B3GALT9: variants seen among roughly 807,000 people sequenced by gnomAD.
B3GALT9 encodes the protein beta-1,3-galactosyltransferase 9, also known as UDP-GlcNAc:betaGal beta-1,3-N-acetylglucosaminyltransferase 10 (putative).
chr9:120,797,033 C>T (rs553532347), intron 2 of B3GALT9, among the ~76,000 whole-genome samples: 89 of 131,260 alleles, frequency 6.8e-4, no homozygotes, highest in East Asian at 6.6e-3. Context: ...GTCCAGCCTG[C>T]GCCACAGAGT....
chr9:120,799,949 C>T lies in B3GALT9; in HGVS notation c.*271C>T, dbSNP rs369660498. The T allele has an allele frequency of 0.011, 1,704 of 150,520 alleles. 28 individuals are homozygous for T. The highest frequency in any genetic ancestry group is 0.069 in the African/African-American group (1,583 of 23,098). 9.3% of individuals were successfully genotyped at this position (150,520 alleles called of 1,614,324 possible). A position where few individuals can be genotyped will look rare whatever the true frequency, so the allele number is the denominator to read the frequency against. On this transcript the variant is annotated 3_prime_UTR_variant, in exon 3 of 3. Transcript: ENST00000689072. ...TATGTTTCATTGTTTATTTAGTTTT[C>T]GTTTTTTTTTTTTCTTTTGAGACAG...
rs557875505 is a variant in B3GALT9 at position 120,800,092 on chromosome 9, G to T, written c.*414G>T. Among the ~76,000 whole-genome samples the T allele has an allele frequency of 4.7e-5, 7 of 150,428 alleles. No individual in the cohort carries two copies. In the East Asian group the frequency reaches 1.4e-3, roughly 29 times the overall value. On this transcript the variant is annotated 3_prime_UTR_variant, in exon 3 of 3. Transcript: ENST00000689072. ...AGCCTTTTGAGTAGCTGAGACTATA[G>T]GCATGTGCCACCATACCCGGCTAAT...
rs539363804 is a variant in B3GALT9, at chr9:120,793,524, G to A, written c.-580G>A. On this transcript the variant is annotated 5_prime_UTR_variant, in exon 1 of 3. It adds an upstream start codon to the 5' untranslated region. Transcript: ENST00000689072. ...GGGAGGCTGGAGGCCGGGAGTAGGGGTGGGGAGAAGAGCGTCCCGGGAAGC... is the reference window on the plus strand; with the variant it reads ...GGGAGGCTGGAGGCCGGGAGTAGGGATGGGGAGAAGAGCGTCCCGGGAAGC... The A allele has an allele frequency of 2.0e-3, 792 of 400,314 alleles. 8 individuals carry two copies. Among genetic ancestry groups the A allele is most frequent in the African/African-American group, 0.015 (721 of 48,744 alleles). The allele number at this position is 400,314 out of a possible 1,614,324, so 24.8% of individuals were successfully genotyped here. A position where few individuals can be genotyped will look rare whatever the true frequency, so the allele number is the denominator to read the frequency against.
chr9:120,795,268 AC>A (rs1320013561), intron 1 of B3GALT9, among the ~76,000 whole-genome samples: 1 of 152,086 alleles, frequency 6.6e-6, no homozygotes, highest in Non-Finnish European at 1.5e-5. Flanking sequence ...AAAATCAAGC[AC>A]CCATATCTCT....
At chr9:120,796,699 A>G (rs2044941001) in intron 2 of B3GALT9, 90 bp downstream of exon 2, 1 of 152,224 alleles carries the variant, frequency 6.6e-6, no homozygotes, top group Non-Finnish European at 1.5e-5. Flanking sequence ...AAATGAGAAA[A>G]TGGAAAGGAG....
rs564033760 is a variant in B3GALT9, at chr9:120,798,650, T to C, written c.82T>C (p.Phe28Leu). 5.0e-6 allele frequency: 2 copies of C among 399,528 alleles called. No individual in the cohort carries two copies. Among genetic ancestry groups the C allele is most frequent in the East Asian group, 7.1e-5 (2 of 28,074 alleles). 24.7% of individuals were successfully genotyped at this position (399,528 alleles called of 1,614,324 possible). The change falls in exon 3 of 3, where the codon TTT becomes CTT. Residue 28 changes from phenylalanine to leucine, a missense_variant. Coordinates refer to ENST00000689072, the MANE Select transcript of B3GALT9 (RefSeq NM_001386823.1). ...TGTCATCCTATTTCATGCCTTGCTT[T>C]TTGGGACTGACTTTGTGGAGGAATA... ...FNVILFHALL[F>L]GTDFVEEYFL...
chr9:120,793,721 A>G lies in B3GALT9; in HGVS notation c.-383A>G, dbSNP rs1053766470. The G allele has an allele frequency of 5.0e-6, 2 of 398,464 alleles. No homozygotes were observed. Among genetic ancestry groups the G allele is most frequent in the African/African-American group, 4.1e-5 (2 of 48,598 alleles). 24.7% of individuals were successfully genotyped at this position (398,464 alleles called of 1,614,324 possible). On this transcript the variant is annotated 5_prime_UTR_variant, in exon 1 of 3. Coordinates refer to ENST00000689072, the MANE Select transcript of B3GALT9 (RefSeq NM_001386823.1). ...TTATTATCCTCATTTTACGGAGGAG[A>G]GGGAGCTGTGGCTTAGAGAAGTTAA...
In B3GALT9 at chr9:120,793,699, T is replaced by G. The variant is rs2044908329; in HGVS notation, c.-405T>G. The stretch of plus-strand genomic sequence containing the variant: ...ACCAGCTCTGCAGTAGTTTTTCTTA[T>G]TATCCTCATTTTACGGAGGAGAGGG... On this transcript the variant is annotated 5_prime_UTR_variant, in exon 1 of 3. Coordinates refer to ENST00000689072, the MANE Select transcript of B3GALT9 (RefSeq NM_001386823.1). 5.0e-6 allele frequency: 2 copies of G among 398,714 alleles called. No individual in the cohort carries two copies. The highest frequency in any genetic ancestry group is 4.4e-6 in the Non-Finnish European group (1 of 226,112). The allele number at this position is 398,714 out of a possible 1,614,324, so 24.7% of individuals were successfully genotyped here. A position where few individuals can be genotyped will look rare whatever the true frequency, so the allele number is the denominator to read the frequency against.
Position 120,799,436 on chromosome 9 carries a change from A to G in B3GALT9, c.868A>G (p.Arg290Gly). Residue 290 changes from arginine to glycine, a missense_variant, in exon 3 of 3, where the codon AGG becomes GGG. Transcript: ENST00000689072. ...FIGLIPIHSS[R>G]FSGKRHIRYN... is the part of the protein sequence containing the mutation. The stretch of plus-strand genomic sequence containing the variant: ...TGGCCTTATACCCATCCACAGCTCA[A>G]GGTTTTCTGGGAAAAGGCACATTAG... 1 of 399,272 alleles carries G rather than the reference A, an allele frequency of 2.5e-6. No individual in the cohort carries two copies. The highest frequency in any genetic ancestry group is 4.4e-6 in the Non-Finnish European group (1 of 226,110). 24.7% of individuals were successfully genotyped at this position (399,272 alleles called of 1,614,324 possible).
chr9:120,799,401 C>T lies in B3GALT9; in HGVS notation c.833C>T (p.Ala278Val). 1 of 399,166 alleles carries T rather than the reference C, an allele frequency of 2.5e-6. No individual in the cohort carries two copies. Among genetic ancestry groups the T allele is most frequent in the Non-Finnish European group, 4.4e-6 (1 of 226,118 alleles). 24.7% of individuals were successfully genotyped at this position (399,166 alleles called of 1,614,324 possible). A position where few individuals can be genotyped will look rare whatever the true frequency, so the allele number is the denominator to read the frequency against. ...VPADVFVGICAKFIGLIPIHS... is the reference protein window; with the variant it reads ...VPADVFVGICVKFIGLIPIHS... The stretch of plus-strand genomic sequence containing the variant: ...GCTGATGTGTTTGTAGGAATTTGTG[C>T]TAAGTTCATTGGCCTTATACCCATC... Residue 278 changes from alanine (A) to valine (V), a missense_variant, in exon 3 of 3, where the codon GCT (alanine) becomes GTT (valine). Coordinates refer to ENST00000689072, the MANE Select transcript of B3GALT9 (RefSeq NM_001386823.1).
At chr9:120,795,344 T>TG (rs2044932118) in intron 1 of B3GALT9, among the ~76,000 whole-genome samples, 1 of 152,182 alleles carries the variant, frequency 6.6e-6, no homozygotes. Flanking sequence ...CAGATGGAGC[T>TG]GCCCCAGAGA....
Position 120,793,859 on chromosome 9 carries a change from A to G in B3GALT9, c.-245A>G. On this transcript the variant is annotated 5_prime_UTR_variant, in exon 1 of 3. Transcript: ENST00000689072. ...AAAAGCCCCTGACCGCCTGGGCCTT[A>G]CATCTATTAGGAGGAGGAAGACAGA... 2.6e-6 allele frequency: 1 copy of G among 388,398 alleles called. No individual in the cohort carries two copies. Among genetic ancestry groups the G allele is most frequent in the Non-Finnish European group, 4.5e-6 (1 of 220,202 alleles). 24.1% of individuals were successfully genotyped at this position (388,398 alleles called of 1,614,324 possible). A position where few individuals can be genotyped will look rare whatever the true frequency, so the allele number is the denominator to read the frequency against.
rs2131407511 is a variant in B3GALT9, at chr9:120,801,071, G to A, written c.*1393G>A. ...TTTCTTTCATTTATAAGGCTGAATA[G>A]CATTTTATTGTGGATATATACCACA... On this transcript the variant is annotated 3_prime_UTR_variant, in exon 3 of 3. Transcript: ENST00000689072. Among the ~76,000 whole-genome samples, 1 of 152,322 alleles carries A rather than the reference G, an allele frequency of 6.6e-6. No homozygotes were observed. Among genetic ancestry groups the A allele is most frequent in the Admixed American group, 6.5e-5 (1 of 15,298 alleles).
At chr9:120,798,326 CAACT>C (rs993937464) in intron 2 of B3GALT9, among the ~76,000 whole-genome samples, 60 of 152,294 alleles carry the variant, frequency 3.9e-4, no homozygotes, top group African/African-American at 1.4e-3. Flanking sequence ...AGAAAACAAC[CAACT>C]AACACTTTAC....
In B3GALT9 at chr9:120,799,932, A is replaced by G. The variant is rs1588059869; in HGVS notation, c.*254A>G. 10 of 290,754 alleles carry G rather than the reference A, an allele frequency of 3.4e-5. No homozygotes were observed. In the East Asian group the frequency reaches 5.6e-4, roughly 16 times the overall value. 18.0% of individuals were successfully genotyped at this position (290,754 alleles called of 1,614,324 possible). ...CTCAAAAGAGAGAACATTATGTTTC[A>G]TTGTTTATTTAGTTTTCGTTTTTTT... On this transcript the variant is annotated 3_prime_UTR_variant, in exon 3 of 3. Coordinates refer to ENST00000689072, the MANE Select transcript of B3GALT9 (RefSeq NM_001386823.1).
At chr9:120,794,342 C>CTTT (rs113250464) in intron 1 of B3GALT9, among the ~76,000 whole-genome samples, 6 of 144,998 alleles carry the variant, frequency 4.1e-5, no homozygotes, top group African/African-American at 1.5e-4. Context: ...ACAAGTTATC[C>CTTT]TTTTTTTTTT....
Position 120,798,251 on chromosome 9 carries a change from T to C in B3GALT9, c.7-324T>C, listed in dbSNP as rs941031187. Among the ~76,000 whole-genome samples the C allele has an allele frequency of 1.2e-4, 18 of 152,214 alleles. 1 individual carries two copies. Among genetic ancestry groups the C allele is most frequent in the African/African-American group, 9.6e-5 (4 of 41,462 alleles). On this transcript the variant is annotated intron_variant, in intron 2 of 2. Transcript: ENST00000689072. ...CCATGTGTCTGTGTCCAATTCTTCT[T>C]GGTAATCCCAATGTCCAAGACAAGT... is the stretch of plus-strand genomic sequence containing the variant.
chr9:120,798,910 A>G lies in B3GALT9; in HGVS notation c.342A>G (p.Gln114=), dbSNP rs2044954579. The G allele has an allele frequency of 2.5e-6, 1 of 399,070 alleles. No homozygotes were observed. 24.7% of individuals were successfully genotyped at this position (399,070 alleles called of 1,614,324 possible). A position where few individuals can be genotyped will look rare whatever the true frequency, so the allele number is the denominator to read the frequency against. ...RKTWGNVTSV[Q]GHPILTLFAL... is the part of the protein sequence containing the mutation. ...CTTGGGGCAATGTGACCAGTGTCCA[A>G]GGGCATCCCATTCTCACACTGTTTG... is the stretch of plus-strand genomic sequence containing the variant. The change falls in exon 3 of 3, where the codon CAA becomes CAG. Residue 114 remains glutamine (Q), a synonymous_variant. Coordinates refer to ENST00000689072, the MANE Select transcript of B3GALT9 (RefSeq NM_001386823.1).
intron 1 of B3GALT9, among the ~76,000 whole-genome samples, chr9:120,796,207 G>T (rs1223853660): frequency 1.3e-5 from 2 of 152,158 alleles, no homozygotes; most frequent in Non-Finnish European, 2.9e-5. Flanking sequence ...AAAAGTATAG[G>T]ATATATCTAC....
Sources: gnomAD v4.1 joint callset for allele counts (sites outside exome capture counted in the v4.1 genomes callset) on GRCh38, gnomAD v4.1.1 for gene constraint, MANE v1.5 for transcripts, NCBI Gene and HGNC (gene_info 2026-07-23, HGNC 2026-07-21) for gene names.